UIMC1: variants seen among roughly 807,000 people sequenced by gnomAD.
UIMC1 encodes the protein BRCA1-A complex subunit RAP80.
Under a neutral mutation model 84.9 loss-of-function variants are expected in UIMC1, and 42 were observed. The ratio of observed to expected loss-of-function variants is 0.49; its 90% CI spans 0.39 to 0.64. The LOEUF (loss-of-function observed/expected upper bound fraction) is 0.64. Among genes scored for constraint, UIMC1 ranks in the 30% least tolerant of loss-of-function variants. UIMC1 has a pLI of 0.00. For missense variants in UIMC1, 825 were observed against 847.6 expected, an observed-to-expected ratio of 0.97 and a Z score of 0.33; for synonymous variants, 281 against 293.0, an observed-to-expected ratio of 0.96 and a Z score of 0.42.
At chr5:176,926,483 T>C (rs983560506) in intron 10 of UIMC1, among the ~76,000 whole-genome samples, 1 of 151,792 alleles carries the variant, frequency 6.6e-6, no homozygotes, top group Non-Finnish European at 1.5e-5. Flanking sequence ...AAATTAAAAT[T>C]AAAATTAGCT....
chr5:176,993,466 G>A lies in UIMC1; in HGVS notation c.-8-10843C>T, dbSNP rs942459279. ...GGTCTCCCAAAGTGCTGGGATTACA[G>A]ATGTGAGCCTCCATGCCCAGGCACA... On this transcript the variant is annotated intron_variant, in intron 1 of 14. Transcript: ENST00000511320. 5.3e-5 allele frequency among the ~76,000 whole-genome samples: 8 copies of A among 152,202 alleles called. No homozygotes were observed. The South Asian group carries it at 1.2e-3, about 24-fold the overall frequency.
chr5:176,929,344 A>G (rs1395272564), intron 10 of UIMC1, among the ~76,000 whole-genome samples: 1 of 151,572 alleles, frequency 6.6e-6, no homozygotes, highest in African/African-American at 2.4e-5. Flanking sequence ...TGGGAGGATC[A>G]TGAGGTCAGG....
intron 10 of UIMC1, among the ~76,000 whole-genome samples, chr5:176,933,507 A>G (rs1763363569): frequency 6.6e-6 from 1 of 151,504 alleles, no homozygotes; most frequent in South Asian, 2.1e-4. Context: ...ACTACATTAC[A>G]AGGCTCATTG....
intron 3 of UIMC1, among the ~76,000 whole-genome samples, chr5:176,973,073 G>A (rs1474614243): frequency 6.6e-6 from 1 of 151,940 alleles, no homozygotes; most frequent in Non-Finnish European, 1.5e-5. Flanking sequence ...CTGCCACCAG[G>A]CCCGGCTAAT....
At chr5:176,943,969 T>G (rs1764770936) in intron 9 of UIMC1, among the ~76,000 whole-genome samples, 1 of 152,224 alleles carries the variant, frequency 6.6e-6, no homozygotes, top group Non-Finnish European at 1.5e-5. Context: ...TCTACCACAT[T>G]GTAAGGCACA....
In UIMC1 at chr5:176,958,090, C is replaced by G; in HGVS notation, c.1262+3G>C. On this transcript the variant is annotated splice_donor_region_variant and intron_variant, in intron 7 of 14. Coordinates refer to ENST00000511320, the MANE Select transcript of UIMC1 (RefSeq NM_001199298.2). ...GAATGCATAGCAACATATAATCTCT[C>G]ACCTTTGTGAAGCAGGTACAGAGTT... 1 of 1,613,506 alleles carries G rather than the reference C, an allele frequency of 6.2e-7. No individual in the cohort carries two copies. The highest frequency in any genetic ancestry group is 8.5e-7 in the Non-Finnish European group (1 of 1,179,586).
rs1338428089 is a variant in UIMC1, at chr5:177,004,894, A to G, written c.-9+1756T>C. On this transcript the variant is annotated intron_variant, in intron 1 of 14. Coordinates refer to ENST00000511320, the MANE Select transcript of UIMC1 (RefSeq NM_001199298.2). The stretch of plus-strand genomic sequence containing the variant: ...ATAAATGATTGACTTTTACCCCTAA[A>G]TAGGTACCTAGCACTTTCTTTATTT... Among the ~76,000 whole-genome samples the G allele has an allele frequency of 2.0e-5, 3 of 152,052 alleles. No individual in the cohort carries two copies. In the East Asian group the frequency reaches 5.8e-4, roughly 29 times the overall value.
Position 176,950,151 on chromosome 5 carries a change from G to A in UIMC1, c.1443+1323C>T, listed in dbSNP as rs112739854. Among the ~76,000 whole-genome samples the A allele has an allele frequency of 8.6e-3, 1,224 of 141,824 alleles. 22 individuals are homozygous for A. The highest frequency in any genetic ancestry group is 0.03 in the African/African-American group (1,140 of 38,138). The allele number at this position is 141,824 out of a possible 152,430, so 93.0% of individuals were successfully genotyped here. A position where few individuals can be genotyped will look rare whatever the true frequency, so the allele number is the denominator to read the frequency against. On this transcript the variant is annotated intron_variant, in intron 9 of 14. Coordinates refer to ENST00000511320, the MANE Select transcript of UIMC1 (RefSeq NM_001199298.2). ...AGTCTTGCTCTGTTGCCAGGCTGGA[G>A]TGCAGTGGCGCGATCTCAGCTCACT...
chr5:176,953,681 T>C (rs1389337082), intron 8 of UIMC1, among the ~76,000 whole-genome samples: 1 of 152,164 alleles, frequency 6.6e-6, no homozygotes, highest in African/African-American at 2.4e-5. Flanking sequence ...AATTATGCTT[T>C]CTGTGAATGG....
intron 1 of UIMC1, among the ~76,000 whole-genome samples, chr5:177,004,571 C>T (rs937277416): frequency 1.3e-5 from 2 of 152,100 alleles, no homozygotes; most frequent in African/African-American, 4.8e-5. Flanking sequence ...AGTCTGGATG[C>T]CAACAGCAGC....
At chr5:177,017,866 G>C (rs1489925442) in intron 1 of UIMC1, among the ~76,000 whole-genome samples, 4 of 151,404 alleles carry the variant, frequency 2.6e-5, no homozygotes, top group Non-Finnish European at 5.9e-5. Context: ...TGCCCATGAT[G>C]GTCTTGAACT....
At chr5:176,958,607 A>G (rs1766912009) in intron 6 of UIMC1, among the ~76,000 whole-genome samples, 1 of 152,250 alleles carries the variant, frequency 6.6e-6, no homozygotes, top group Non-Finnish European at 1.5e-5. Context: ...CAAAGGAAAT[A>G]CTGAGTTGAG....
intron 6 of UIMC1, among the ~76,000 whole-genome samples, chr5:176,960,018 T>A (rs1034960457): frequency 2.6e-5 from 4 of 152,070 alleles, no homozygotes; most frequent in Admixed American, 2.6e-4. Context: ...ATGACAAGAG[T>A]GAAAACTCTG....
At chr5:176,962,009 G>T (rs1426018210) in intron 6 of UIMC1, among the ~76,000 whole-genome samples, 8 of 41,624 alleles carry the variant, frequency 1.9e-4, no homozygotes, top group South Asian at 9.1e-4. Flanking sequence ...CAGCCCCCCT[G>T]CCCGGCCAGC....
intron 2 of UIMC1, among the ~76,000 whole-genome samples, chr5:176,977,000 A>G (rs974520555): frequency 2.6e-5 from 4 of 152,152 alleles, no homozygotes; most frequent in Admixed American, 1.3e-4. Context: ...AAGCAGGCGG[A>G]TCACCTGAGG....
chr5:177,012,590 G>A lies in UIMC1; in HGVS notation c.-9+9874C>T, dbSNP rs142727338. 9.1e-3 allele frequency among the ~76,000 whole-genome samples: 1,386 copies of A among 152,148 alleles called. 8 individuals carry two copies. The highest frequency in any genetic ancestry group is 0.025 in the South Asian group (120 of 4,814). On this transcript the variant is annotated intron_variant, in intron 1 of 5. Transcript: ENST00000509236. ...CACCTGTAATCCCAACTACTCGGGAGGCTGAGGCAAGAGAATCACTTGAAC... is the reference window on the plus strand; with the variant it reads ...CACCTGTAATCCCAACTACTCGGGAAGCTGAGGCAAGAGAATCACTTGAAC...
chr5:176,996,056 A>T (rs1311352848), intron 1 of UIMC1, among the ~76,000 whole-genome samples: 1 of 152,120 alleles, frequency 6.6e-6, no homozygotes, highest in Non-Finnish European at 1.5e-5. Flanking sequence ...ATCCATCAAC[A>T]TGTGAATAAA....
chr5:176,955,987 A>C lies in UIMC1; in HGVS notation c.1311T>G (p.Ser437Arg). 6.2e-7 allele frequency: 1 copy of C among 1,613,604 alleles called. No homozygotes were observed. Among genetic ancestry groups the C allele is most frequent in the Non-Finnish European group, 8.5e-7 (1 of 1,179,716 alleles). ...SKRSLVLMPESSAEEITVCPE... is the reference protein window; with the variant it reads ...SKRSLVLMPERSAEEITVCPE... ...GACAAACAGTGATTTCTTCTGCAGA[A>C]CTCTCTGGCATAAGGACTAAGCTTC... Residue 437 changes from serine (S) to arginine (R), a missense_variant, in exon 8 of 15, where the codon AGT becomes AGG. Coordinates refer to ENST00000511320, the MANE Select transcript of UIMC1 (RefSeq NM_001199298.2).
chr5:176,956,138 T>C, intron 7 of UIMC1, 103 bp from the exon 8 acceptor site: 2 of 1,063,402 alleles, frequency 1.9e-6, no homozygotes, highest in South Asian at 3.0e-5. Context: ...TAATCACAGA[T>C]ACTTGCTGCC....
Sources: gnomAD v4.1 joint callset for allele counts (sites outside exome capture counted in the v4.1 genomes callset) on GRCh38, gnomAD v4.1.1 for gene constraint, MANE v1.5 for transcripts, NCBI Gene and HGNC (gene_info 2026-07-23, HGNC 2026-07-21) for gene names.